The following LRRC4C variants were observed in gnomAD, a reference collection of about 807,000 sequenced individuals.
The protein encoded by LRRC4C is leucine rich repeat containing 4C, also known as leucine-rich repeat-containing protein 4C.
A neutral mutation model predicts 33.6 loss-of-function variants in LRRC4C; 5 were observed. The observed-to-expected ratio is 0.15, with a 90% CI of 0.08 to 0.31. LRRC4C has a LOEUF of 0.31. Among genes scored for constraint, LRRC4C ranks in the 10% least tolerant of loss-of-function variants. The probability of loss-of-function intolerance (pLI) is 1.00; values close to 1 mark genes in which losing one functional copy is unlikely to be tolerated. For missense variants in LRRC4C, 560 were observed against 796.7 expected (o/e 0.70, Z 3.58); for synonymous variants, 329 against 302.0 (o/e 1.09, Z -0.93).
intron 1 of LRRC4C, among the ~76,000 whole-genome samples, chr11:41,185,868 A>C (rs1945672240): frequency 1.3e-5 from 2 of 152,094 alleles, no homozygotes; most frequent in Admixed American, 1.3e-4. Context: ...AAAAACCAAA[A>C]TTTTAAAAAA....
chr11:41,327,743 T>C (rs113648639), intron 1 of LRRC4C, among the ~76,000 whole-genome samples: 1 of 152,142 alleles, frequency 6.6e-6, no homozygotes, highest in African/African-American at 2.4e-5. Context: ...CTCGTGCTGT[T>C]CTCATGAAAG....
chr11:40,679,390 C>T (rs1944565561), intron 2 of LRRC4C, among the ~76,000 whole-genome samples: 1 of 152,092 alleles, frequency 6.6e-6, no homozygotes, highest in African/African-American at 2.4e-5. Flanking sequence ...GCATAAGTAA[C>T]GAGGAGCGGA....
At chr11:40,450,391 A>G (rs1273679456) in intron 3 of LRRC4C, among the ~76,000 whole-genome samples, 1 of 152,128 alleles carries the variant, frequency 6.6e-6, no homozygotes, top group African/African-American at 2.4e-5. Flanking sequence ...GACCTGTGTG[A>G]TATGTGTGGA....
intron 4 of LRRC4C, among the ~76,000 whole-genome samples, chr11:40,286,309 C>A (rs1943834279): frequency 6.6e-6 from 1 of 152,142 alleles, no homozygotes; most frequent in Non-Finnish European, 1.5e-5. Flanking sequence ...AGGTAACTGA[C>A]ACCACCAGAA....
chr11:40,571,720 T>C (rs1226094018), intron 3 of LRRC4C, among the ~76,000 whole-genome samples: 3 of 152,200 alleles, frequency 2.0e-5, no homozygotes, highest in Non-Finnish European at 2.9e-5. Context: ...CTGATCATTA[T>C]AGATCTTTAA....
intron 4 of LRRC4C, among the ~76,000 whole-genome samples, chr11:40,287,683 A>T (rs941975686): frequency 6.6e-6 from 1 of 152,236 alleles, no homozygotes; most frequent in Non-Finnish European, 1.5e-5. Flanking sequence ...CTAAGATACC[A>T]TTTACAGATC....
At chr11:40,132,411 C>T (rs1209080937) in intron 6 of LRRC4C, among the ~76,000 whole-genome samples, 1 of 152,100 alleles carries the variant, frequency 6.6e-6, no homozygotes, top group Non-Finnish European at 1.5e-5. Flanking sequence ...TTTTGTCACT[C>T]CACGTCATTT....
intron 3 of LRRC4C, among the ~76,000 whole-genome samples, chr11:40,359,114 G>T (rs552189081): frequency 1.3e-5 from 2 of 152,118 alleles, no homozygotes; most frequent in Non-Finnish European, 2.9e-5. Flanking sequence ...GTAATGTGTC[G>T]GGTATGTTTA....
At chr11:40,578,015 A>T (rs1591160868) in intron 3 of LRRC4C, among the ~76,000 whole-genome samples, 1 of 150,040 alleles carries the variant, frequency 6.7e-6, no homozygotes, top group East Asian at 2.0e-4. Context: ...TTTGTATTTT[A>T]GGTAGAGACG....
At chr11:41,332,714 C>T (rs566961395) in intron 1 of LRRC4C, among the ~76,000 whole-genome samples, 48 of 152,238 alleles carry the variant, frequency 3.2e-4, no homozygotes, top group African/African-American at 7.7e-4. Context: ...TTCACTTGTG[C>T]GAACTTTTCT....
At chr11:40,807,453 CTCAT>C (rs1219490836) in intron 2 of LRRC4C, among the ~76,000 whole-genome samples, 1 of 145,110 alleles carries the variant, frequency 6.9e-6, no homozygotes, top group African/African-American at 2.8e-5. Context: ...ATCCCTCTCT[CTCAT>C]TATTGATGGA....
intron 3 of LRRC4C, among the ~76,000 whole-genome samples, chr11:40,603,581 G>T (rs1495304): frequency 0.43 from 66,048 of 151,986 alleles, 15,377 homozygotes; most frequent in Middle Eastern, 0.57. Flanking sequence ...GGATGTAGAT[G>T]GTGTACAGAA....
At chr11:41,193,934 T>G (rs1226040168) in intron 1 of LRRC4C, among the ~76,000 whole-genome samples, 1 of 151,984 alleles carries the variant, frequency 6.6e-6, no homozygotes, top group Non-Finnish European at 1.5e-5. Flanking sequence ...TTGTGATTTT[T>G]TTCATAAAGT....
intron 1 of LRRC4C, among the ~76,000 whole-genome samples, chr11:40,995,261 T>C (rs1017969434): frequency 6.6e-6 from 1 of 152,080 alleles, no homozygotes; most frequent in African/African-American, 2.4e-5. Context: ...GGTCTTTGTG[T>C]CTGCAGAGCT....
At chr11:41,138,148 T>C (rs1327992317) in intron 1 of LRRC4C, among the ~76,000 whole-genome samples, 2 of 152,258 alleles carry the variant, frequency 1.3e-5, no homozygotes, top group Non-Finnish European at 2.9e-5. Context: ...AGTTTGCATT[T>C]GGAGCAATCA....
intron 2 of LRRC4C, among the ~76,000 whole-genome samples, chr11:40,834,115 T>TA (rs1212013002): frequency 4.0e-5 from 6 of 151,846 alleles, no homozygotes; most frequent in South Asian, 2.1e-4. Flanking sequence ...ATTTGTGAGT[T>TA]AAAAAAAATA....
At chr11:40,219,456 A>G (rs903616827) in intron 5 of LRRC4C, among the ~76,000 whole-genome samples, 2 of 152,190 alleles carry the variant, frequency 1.3e-5, no homozygotes, top group Admixed American at 6.5e-5. Flanking sequence ...TTGCTGCTTT[A>G]TCCCGAGTAC....
intron 1 of LRRC4C, among the ~76,000 whole-genome samples, chr11:40,988,977 C>T (rs1216415740): frequency 1.3e-5 from 2 of 152,022 alleles, no homozygotes; most frequent in African/African-American, 4.8e-5. Flanking sequence ...GCCTTGGCCT[C>T]CTAAAGTGCT....
chr11:40,934,708 T>G (rs1352438124), intron 1 of LRRC4C, among the ~76,000 whole-genome samples: 1 of 152,118 alleles, frequency 6.6e-6, no homozygotes, highest in African/African-American at 2.4e-5. Flanking sequence ...CTCTTGACTA[T>G]CTCCTATTTC....
Sources: gnomAD v4.1 joint callset for allele counts (sites outside exome capture counted in the v4.1 genomes callset) on GRCh38, gnomAD v4.1.1 for gene constraint, MANE v1.5 for transcripts, NCBI Gene and HGNC (gene_info 2026-07-23, HGNC 2026-07-21) for gene names.